Variants in UGT1A7 observed in about 807,000 individuals in gnomAD.
The protein encoded by UGT1A7 is UDP-glucuronosyltransferase 1A7.
A neutral mutation model predicts 45.6 loss-of-function variants in UGT1A7; 33 were observed. The observed-to-expected ratio is 0.72, with a 90% CI of 0.55 to 0.97. UGT1A7 has a LOEUF of 0.97. Among genes scored for constraint, UGT1A7 ranks in the 50% least tolerant of loss-of-function variants. UGT1A7 has a pLI of 0.00. For missense variants in UGT1A7, 684 were observed against 666.2 expected (o/e 1.03, Z -0.29); for synonymous variants, 274 against 250.6 (o/e 1.09, Z -0.88).
rs368834284 is a variant in UGT1A7 at position 233,743,991 on chromosome 2, G to A, written c.856-23043G>A. 42 of 1,251,932 alleles carry A rather than the reference G, an allele frequency of 3.4e-5. No individual in the cohort carries two copies. In the South Asian group the frequency reaches 3.7e-4, roughly 11 times the overall value. The allele number at this position is 1,251,932 out of a possible 1,614,324, so 77.6% of individuals were successfully genotyped here. On this transcript the variant is annotated intron_variant, in intron 1 of 4. Transcript: ENST00000373426. ...GCTGCCAGCACCCAGGCGCAGGCCC[G>A]AGTGCTCGGAGACCTGGGCCGCCTG...
chr2:233,735,151 G>T (rs1299543720), intron 1 of UGT1A7, among the ~76,000 whole-genome samples: 1 of 152,160 alleles, frequency 6.6e-6, no homozygotes, highest in African/African-American at 2.4e-5. Context: ...GGGAGTCTAA[G>T]TCTCTGTGTA....
At chr2:233,691,502 G>A (rs1304193805) in intron 1 of UGT1A7, 2 of 985,742 alleles carry the variant, frequency 2.0e-6, no homozygotes, top group Non-Finnish European at 2.4e-6. Flanking sequence ...ACAGGAACTC[G>A]CGTGCCAGCC....
At chr2:233,749,714 G>C (rs1485343485) in intron 1 of UGT1A7, among the ~76,000 whole-genome samples, 2 of 151,806 alleles carry the variant, frequency 1.3e-5, no homozygotes, top group Non-Finnish European at 2.9e-5. Flanking sequence ...TGGATCATGG[G>C]GGCAGTTTCG....
intron 1 of UGT1A7, among the ~76,000 whole-genome samples, chr2:233,765,626 G>A (rs892364448): frequency 2.0e-5 from 3 of 151,774 alleles, no homozygotes; most frequent in Admixed American, 2.0e-4. Context: ...GGTGAGGGGA[G>A]GAACTTAGAG....
In UGT1A7 at chr2:233,724,159, G is replaced by T. The variant is rs1253730217; in HGVS notation, c.855+41367G>T. Among the ~76,000 whole-genome samples the T allele has an allele frequency of 6.2e-4, 77 of 124,140 alleles. 1 individual carries two copies. Among genetic ancestry groups the T allele is most frequent in the African/African-American group, 2.5e-3 (70 of 28,440 alleles). The allele number at this position is 124,140 out of a possible 152,430, so 81.4% of individuals were successfully genotyped here. A position where few individuals can be genotyped will look rare whatever the true frequency, so the allele number is the denominator to read the frequency against. On this transcript the variant is annotated intron_variant, in intron 1 of 4. Transcript: ENST00000373426. Reference sequence around the variant, plus strand: ...GACGGGGCGGCTGGCCGGGTGGGGGGGCTGACCCCCCCATCTCCCTCCCGG... The same window carrying T: ...GACGGGGCGGCTGGCCGGGTGGGGGTGCTGACCCCCCCATCTCCCTCCCGG...
At position 233,761,942 on chromosome 2, in the gene UGT1A7, C is replaced by T. The variant is rs912615378; in HGVS notation, c.856-5092C>T. ...CAGCCCAGGCACTTCCCAGGTGCTG[C>T]GTCTGGCTCCCATTAAGGGGACTGA... On this transcript the variant is annotated intron_variant, in intron 1 of 4. Coordinates refer to ENST00000373426, the MANE Select transcript of UGT1A7 (RefSeq NM_019077.3). Among the ~76,000 whole-genome samples the T allele has an allele frequency of 2.6e-5, 4 of 152,302 alleles. No homozygotes were observed. The South Asian group carries it at 8.3e-4, about 32-fold the overall frequency.
At chr2:233,695,151 G>C (rs1363691382) in intron 1 of UGT1A7, among the ~76,000 whole-genome samples, 1 of 74,088 alleles carries the variant, frequency 1.3e-5, no homozygotes, top group Non-Finnish European at 2.9e-5. Flanking sequence ...TTTTGAGACA[G>C]AGTCTCACTC....
rs1176429614 is a variant in UGT1A7, at chr2:233,757,538, ATATATATATATATATATATATATG to A, written c.856-9488_856-9465del. Among the ~76,000 whole-genome samples, 814 of 109,752 alleles carry A rather than the reference ATATATATATATATATATATATATG, an allele frequency of 7.4e-3. 44 individuals carry two copies. The highest frequency in any genetic ancestry group is 0.034 in the African/African-American group (774 of 22,608). The allele number at this position is 109,752 out of a possible 152,430, so 72.0% of individuals were successfully genotyped here. ...AGCCAAAATCTTGCCTGTAAGGAAT[ATATATATATATATATATATATATG>A]TATATATGATATAGCTATAGTCTAA... On this transcript the variant is annotated intron_variant, in intron 1 of 4. Coordinates refer to ENST00000373426, the MANE Select transcript of UGT1A7 (RefSeq NM_019077.3).
chr2:233,713,340 A>G, intron 1 of UGT1A7: 1 of 1,614,260 alleles, frequency 6.2e-7, no homozygotes, highest in Non-Finnish European at 8.5e-7. Context: ...AATGGCAATT[A>G]TGAACAATAT....
At chr2:233,727,532 C>T (rs1479523178) in intron 1 of UGT1A7, among the ~76,000 whole-genome samples, 28 of 152,260 alleles carry the variant, frequency 1.8e-4, no homozygotes, top group Middle Eastern at 6.8e-3. Context: ...CACTACCAGG[C>T]GTGTTCCACC....
intron 1 of UGT1A7, among the ~76,000 whole-genome samples, chr2:233,723,515 T>A (rs1475684057): frequency 9.4e-6 from 1 of 106,756 alleles, no homozygotes; most frequent in Admixed American, 9.1e-5. Flanking sequence ...TGGTCAACAA[T>A]CTTTTTTTTT....
intron 1 of UGT1A7, among the ~76,000 whole-genome samples, chr2:233,711,089 T>C (rs2076163028): frequency 6.6e-6 from 1 of 152,208 alleles, no homozygotes; most frequent in African/African-American, 2.4e-5. Flanking sequence ...TCCAAGTCTA[T>C]CTGTGCAGCC....
intron 1 of UGT1A7, chr2:233,760,589 A>T: frequency 6.2e-7 from 1 of 1,614,196 alleles, no homozygotes; most frequent in South Asian, 1.1e-5. Flanking sequence ...AATGTTTTTG[A>T]GAATGATTCT....
At chr2:233,691,505 T>G in intron 1 of UGT1A7, 1 of 985,776 alleles carries the variant, frequency 1.0e-6, no homozygotes, top group Non-Finnish European at 1.2e-6. Context: ...GGAACTCGCG[T>G]GCCAGCCAGG....
intron 1 of UGT1A7, among the ~76,000 whole-genome samples, chr2:233,735,843 T>C (rs1217610969): frequency 2.0e-5 from 3 of 152,092 alleles, no homozygotes; most frequent in South Asian, 2.1e-4. Flanking sequence ...TGGCCCCCAC[T>C]CTCTTCTGTC....
intron 1 of UGT1A7, among the ~76,000 whole-genome samples, chr2:233,727,545 T>C (rs2077627675): frequency 2.0e-5 from 3 of 152,198 alleles, no homozygotes. Flanking sequence ...GTTCCACCCG[T>C]CACCTGGGCT....
intron 1 of UGT1A7, chr2:233,729,725 C>T (rs780989099): frequency 6.2e-7 from 1 of 1,613,968 alleles, no homozygotes; most frequent in South Asian, 1.1e-5. Flanking sequence ...TTACTAACAA[C>T]CAATTCAGAC....
At chr2:233,699,174 T>G (rs1393097702) in intron 1 of UGT1A7, among the ~76,000 whole-genome samples, 1 of 152,106 alleles carries the variant, frequency 6.6e-6, no homozygotes, top group Non-Finnish European at 1.5e-5. Context: ...GTCTCTCTGA[T>G]CCTCACTTCT....
chr2:233,733,504 G>A lies in UGT1A7; in HGVS notation c.856-33530G>A, dbSNP rs556302512. ...TCCATCAATACCTAGTTTATTGCCA[G>A]TTTTAGGCATGAAGGGATGTTTAAT... On this transcript the variant is annotated intron_variant, in intron 1 of 4. Coordinates refer to ENST00000373426, the MANE Select transcript of UGT1A7 (RefSeq NM_019077.3). 2.0e-5 allele frequency among the ~76,000 whole-genome samples: 3 copies of A among 152,294 alleles called. No individual in the cohort carries two copies. In the South Asian group the frequency reaches 6.2e-4, roughly 32 times the overall value.
Sources: allele counts gnomAD v4.1 joint callset (sites outside exome capture counted in the v4.1 genomes callset), GRCh38; gene constraint gnomAD v4.1.1; transcripts MANE v1.5; gene names NCBI Gene and HGNC (gene_info 2026-07-23, HGNC 2026-07-21).